Variants in PITPNM3 observed in about 807,000 individuals in gnomAD.
PITPNM3 encodes the protein PITPNM family member 3, also known as membrane-associated phosphatidylinositol transfer protein 3.
In PITPNM3, 26 loss-of-function variants were observed where a neutral mutation model predicts 102.0. The ratio of observed to expected loss-of-function variants is 0.25; its 90% CI spans 0.19 to 0.35. The LOEUF is 0.35. Ranked by LOEUF, PITPNM3 falls within the 10% of genes least tolerant of loss-of-function variation. The pLI is 1.00. For synonymous variants in PITPNM3, 578 were observed against 558.6 expected (o/e 1.03, Z -0.49); for missense variants, 1,083 against 1,346.1 (o/e 0.80, Z 3.06).
intron 6 of PITPNM3, among the ~76,000 whole-genome samples, chr17:6,482,370 G>A (rs1905789394): frequency 6.6e-6 from 1 of 152,174 alleles, no homozygotes; most frequent in Non-Finnish European, 1.5e-5. Flanking sequence ...AGCTTCCGGA[G>A]AGCTGAACGC....
chr17:6,465,736 A>G (rs1904734179), intron 14 of PITPNM3, among the ~76,000 whole-genome samples: 1 of 151,622 alleles, frequency 6.6e-6, no homozygotes, highest in Non-Finnish European at 1.5e-5. Context: ...ATTTTTCTTC[A>G]TTTATCAATG....
chr17:6,484,241 C>T lies in PITPNM3; in HGVS notation c.326G>A (p.Ser109Asn). ...LRRQRFPAQG[S>N]IEIHEDSEEG... is the part of the protein sequence containing the mutation. ...CTCGCTGTCTTCGTGGATCTCGATGCTTCCCTGGGCTGGGAACCTCTGTCT... is the reference window on the plus strand; with the variant it reads ...CTCGCTGTCTTCGTGGATCTCGATGTTTCCCTGGGCTGGGAACCTCTGTCT... The change falls in exon 5 of 20, where the codon AGC (serine) becomes AAC (asparagine). Residue 109 changes from serine to asparagine, a missense_variant. Coordinates refer to ENST00000262483, the MANE Select transcript of PITPNM3 (RefSeq NM_031220.4). 1 of 1,612,324 alleles carries T rather than the reference C, an allele frequency of 6.2e-7. No homozygotes were observed. Among genetic ancestry groups the T allele is most frequent in the Non-Finnish European group, 8.5e-7 (1 of 1,178,368 alleles).
Position 6,556,376 on chromosome 17 carries a change from C to A in PITPNM3, c.22+9G>T. On this transcript the variant is annotated intron_variant, in intron 1 of 19. Transcript: ENST00000262483. This position sits in a 1 kb window ranked among gnomAD's most constrained non-coding sequence, Gnocchi z 5.2. Reference sequence around the variant, plus strand: ...GCCCCGGCCCTGCCCTCCCCGCGCCCGCCCTCACCTGCACGGCCCGCCTTG... The same window carrying A: ...GCCCCGGCCCTGCCCTCCCCGCGCCAGCCCTCACCTGCACGGCCCGCCTTG... 1 of 1,395,368 alleles carries A rather than the reference C, an allele frequency of 7.2e-7. No homozygotes were observed. The highest frequency in any genetic ancestry group is 9.3e-7 in the Non-Finnish European group (1 of 1,072,436). 86.4% of individuals were successfully genotyped at this position (1,395,368 alleles called of 1,614,324 possible). A position where few individuals can be genotyped will look rare whatever the true frequency, so the allele number is the denominator to read the frequency against.
intron 3 of PITPNM3, among the ~76,000 whole-genome samples, chr17:6,516,334 C>T (rs371822481): frequency 7.9e-5 from 12 of 150,962 alleles, no homozygotes; most frequent in African/African-American, 2.7e-4. Context: ...GAGGCCATGG[C>T]GGGCGGATCA....
At chr17:6,519,476 G>A (rs532515761) in intron 3 of PITPNM3, among the ~76,000 whole-genome samples, 62 of 149,652 alleles carry the variant, frequency 4.1e-4, no homozygotes, top group Admixed American at 8.0e-4. Context: ...CCGAGATAGC[G>A]CCACTGCACT....
intron 4 of PITPNM3, 57 bp from the exon 5 acceptor site, chr17:6,484,349 ACTCCCTGGGCCCAG>A (rs1905941309): frequency 6.6e-7 from 1 of 1,508,602 alleles, no homozygotes; most frequent in Admixed American, 1.7e-5. Flanking sequence ...GTGACCAGAC[ACTCCCTGGGCCCAG>A]CTGGCCCTAA....
intron 1 of PITPNM3, among the ~76,000 whole-genome samples, chr17:6,547,993 G>A (rs1910114990): frequency 6.6e-6 from 1 of 152,090 alleles, no homozygotes; most frequent in African/African-American, 2.4e-5. Flanking sequence ...CTCCCAAAGT[G>A]CTGGGATTAC....
intron 2 of PITPNM3, among the ~76,000 whole-genome samples, chr17:6,535,556 T>C (rs1909365952): frequency 6.6e-6 from 1 of 151,538 alleles, no homozygotes; most frequent in Non-Finnish European, 1.5e-5. Flanking sequence ...CGAGGTCCTG[T>C]AGGGTGTGTG....
In PITPNM3 at chr17:6,556,320, C is replaced by G; in HGVS notation, c.22+65G>C. ...GAGGGGTTCACCTGGGCCGGCGGCCCCTCCTCTAGACGCGCGAGTCCCTCC... is the reference window on the plus strand; with the variant it reads ...GAGGGGTTCACCTGGGCCGGCGGCCGCTCCTCTAGACGCGCGAGTCCCTCC... On this transcript the variant is annotated intron_variant, in intron 1 of 19. Transcript: ENST00000262483. This position sits in a 1 kb window ranked among gnomAD's most constrained non-coding sequence, Gnocchi z 5.2. 7.4e-7 allele frequency: 1 copy of G among 1,342,714 alleles called. No individual in the cohort carries two copies. The highest frequency in any genetic ancestry group is 9.8e-7 in the Non-Finnish European group (1 of 1,023,284). The allele number at this position is 1,342,714 out of a possible 1,614,324, so 83.2% of individuals were successfully genotyped here. A position where few individuals can be genotyped will look rare whatever the true frequency, so the allele number is the denominator to read the frequency against.
intron 4 of PITPNM3, among the ~76,000 whole-genome samples, chr17:6,495,749 G>C (rs1180738080): frequency 6.6e-6 from 1 of 152,232 alleles, no homozygotes; most frequent in African/African-American, 2.4e-5. Flanking sequence ...GGAAAGAGAA[G>C]CTCCTGGACA....
chr17:6,539,417 C>A (rs1305831925), intron 1 of PITPNM3, among the ~76,000 whole-genome samples: 1 of 152,056 alleles, frequency 6.6e-6, no homozygotes, highest in Admixed American at 6.6e-5. Context: ...TGTCTTCATT[C>A]CCAGATGACA....
rs1029600723 is a variant in PITPNM3 at position 6,457,071 on chromosome 17, C to T, written c.2619+523G>A. On this transcript the variant is annotated intron_variant, in intron 19 of 19. Coordinates refer to ENST00000262483, the MANE Select transcript of PITPNM3 (RefSeq NM_031220.4). The surrounding 1 kb of genome is among the most constrained non-coding windows in gnomAD (Gnocchi z 4.7). ...TTGGCCGCACTGACCGTTCTAGCCCCGCCCCCCCACCTCCCAGCTCACGTC... is the reference window on the plus strand; with the variant it reads ...TTGGCCGCACTGACCGTTCTAGCCCTGCCCCCCCACCTCCCAGCTCACGTC... 7.0e-6 allele frequency among the ~76,000 whole-genome samples: 1 copy of T among 141,896 alleles called. No homozygotes were observed. The highest frequency in any genetic ancestry group is 6.9e-5 in the Admixed American group (1 of 14,460). The allele number at this position is 141,896 out of a possible 152,430, so 93.1% of individuals were successfully genotyped here. A position where few individuals can be genotyped will look rare whatever the true frequency, so the allele number is the denominator to read the frequency against.
At chr17:6,467,082 A>AAC (rs1904820614) in intron 14 of PITPNM3, among the ~76,000 whole-genome samples, 4 of 122,838 alleles carry the variant, frequency 3.3e-5, no homozygotes, top group African/African-American at 1.5e-4. Flanking sequence ...AAAAAAAACC[A>AAC]AAAAAAAAAA....
intron 9 of PITPNM3, among the ~76,000 whole-genome samples, chr17:6,475,397 T>C (rs959167749): frequency 6.6e-6 from 1 of 152,206 alleles, no homozygotes; most frequent in Non-Finnish European, 1.5e-5. Context: ...CAGCTAGCCA[T>C]TAGCTGCAGC....
At position 6,472,702 on chromosome 17, in the gene PITPNM3, G is replaced by A. The variant is rs374278280; in HGVS notation, c.1384C>T (p.Arg462Cys). The A allele has an allele frequency of 1.2e-5, 19 of 1,613,858 alleles. No homozygotes were observed. The highest frequency in any genetic ancestry group is 2.7e-5 in the African/African-American group (2 of 74,936). Residue 462 changes from arginine to cysteine, a missense_variant, in exon 11 of 20, where the codon CGC becomes TGC. Coordinates refer to ENST00000262483, the MANE Select transcript of PITPNM3 (RefSeq NM_031220.4). The surrounding 1 kb of genome is among the most constrained non-coding windows in gnomAD (Gnocchi z 4.1). The stretch of plus-strand genomic sequence containing the variant: ...TCGCCCAGTGGGAACCTCTGGTAGC[G>A]AGGCACGCTGACAGGCGGCACCAGG... ...FHLVPPVSVPRYQRFPLGDGQ... is the reference protein window; with the variant it reads ...FHLVPPVSVPCYQRFPLGDGQ...
chr17:6,478,527 G>A lies in PITPNM3; in HGVS notation c.777+20C>T. On this transcript the variant is annotated intron_variant, in intron 7 of 19. Coordinates refer to ENST00000262483, the MANE Select transcript of PITPNM3 (RefSeq NM_031220.4). This position sits in a 1 kb window ranked among gnomAD's most constrained non-coding sequence, Gnocchi z 4.4. ...GCCGGAACAGGGGAGGGGAGAGGAG[G>A]AGAGGGCAGGCTGTCCTACCTGCCC... The A allele has an allele frequency of 6.2e-7, 1 of 1,613,164 alleles. No homozygotes were observed. The highest frequency in any genetic ancestry group is 8.5e-7 in the Non-Finnish European group (1 of 1,179,356).
chr17:6,455,328 A>T lies in PITPNM3; in HGVS notation c.*10T>A, dbSNP rs779934066. The T allele has an allele frequency of 8.3e-6, 13 of 1,565,796 alleles. No individual in the cohort carries two copies. The highest frequency in any genetic ancestry group is 9.5e-6 in the Non-Finnish European group (11 of 1,158,188). Reference sequence around the variant, plus strand: ...GCCCCCCGCTCCCTGCTCTGAGCACAGCCCACCCCTCAGGGCACCGACTCG... The same window carrying T: ...GCCCCCCGCTCCCTGCTCTGAGCACTGCCCACCCCTCAGGGCACCGACTCG... On this transcript the variant is annotated 3_prime_UTR_variant, in exon 20 of 20. Coordinates refer to ENST00000262483, the MANE Select transcript of PITPNM3 (RefSeq NM_031220.4).
intron 4 of PITPNM3, among the ~76,000 whole-genome samples, chr17:6,491,293 T>C (rs1166220692): frequency 1.3e-5 from 2 of 151,954 alleles, no homozygotes; most frequent in Non-Finnish European, 2.9e-5. Flanking sequence ...AATAAGAAAC[T>C]ATCTAAGGAA....
At chr17:6,507,254 C>T (rs1597391396) in intron 3 of PITPNM3, among the ~76,000 whole-genome samples, 3 of 152,164 alleles carry the variant, frequency 2.0e-5, no homozygotes, top group Admixed American at 2.0e-4. Context: ...CAAGTACCCC[C>T]ACACATATGC....
Sources: gnomAD v4.1 joint callset for allele counts (sites outside exome capture counted in the v4.1 genomes callset) on GRCh38, gnomAD v4.1.1 for gene constraint, Gnocchi (gnomAD v3.1) non-coding constraint, MANE v1.5 for transcripts, NCBI Gene and HGNC (gene_info 2026-07-23, HGNC 2026-07-21) for gene names.